The following TANGO6 variants were observed in gnomAD, a reference collection of about 807,000 sequenced individuals.
TANGO6 encodes the protein transport and golgi organization 6 homolog.
TANGO6 carries 90 observed loss-of-function variants against 114.2 expected under a neutral mutation model. The ratio of observed to expected loss-of-function variants is 0.79; its 90% CI spans 0.66 to 0.94. The LOEUF (loss-of-function observed/expected upper bound fraction) is 0.94. Among genes scored for constraint, TANGO6 ranks in the 40% least tolerant of loss-of-function variants. The probability of loss-of-function intolerance (pLI) is 0.00; values close to 1 mark genes in which losing one functional copy is unlikely to be tolerated. For synonymous variants in TANGO6, 477 were observed against 509.8 expected (o/e 0.94, Z 0.87); for missense variants, 1,274 against 1,315.3 (o/e 0.97, Z 0.49).
chr16:69,022,792 T>C, intron 15 of TANGO6, 36 bp from the exon 16 acceptor site: 1 of 1,546,414 alleles, frequency 6.5e-7, no homozygotes. Context: ...TGAAATTTTG[T>C]TTTAAGGGGT....
intron 15 of TANGO6, among the ~76,000 whole-genome samples, chr16:68,988,393 G>T (rs1255660632): frequency 6.6e-6 from 1 of 152,028 alleles, no homozygotes; most frequent in Non-Finnish European, 1.5e-5. Flanking sequence ...AGTTTTCTTT[G>T]CTGGCTCCTC....
At chr16:68,998,484 C>T (rs749717217) in intron 15 of TANGO6, among the ~76,000 whole-genome samples, 9 of 152,136 alleles carry the variant, frequency 5.9e-5, no homozygotes, top group African/African-American at 1.7e-4. Context: ...GTAATCCCAG[C>T]GCTTTGGGAG....
chr16:68,861,099 A>C (rs1962085553), intron 2 of TANGO6, among the ~76,000 whole-genome samples: 1 of 152,164 alleles, frequency 6.6e-6, no homozygotes, highest in Admixed American at 6.6e-5. Flanking sequence ...GTTGCTGTGG[A>C]GATCATAGAC....
intron 1 of TANGO6, among the ~76,000 whole-genome samples, chr16:68,845,445 C>T (rs1243605393): frequency 6.6e-6 from 1 of 152,042 alleles, no homozygotes; most frequent in Non-Finnish European, 1.5e-5. Context: ...TCAAGCATTC[C>T]TATTTGAAGA....
intron 10 of TANGO6, among the ~76,000 whole-genome samples, chr16:68,907,887 CTT>C (rs1962874331): frequency 6.6e-6 from 1 of 152,182 alleles, no homozygotes; most frequent in African/African-American, 2.4e-5. Flanking sequence ...AGTAAGAACT[CTT>C]TTGAAGTTAA....
rs1961906928 is a variant in TANGO6 at position 68,851,793 on chromosome 16, G to C, written c.94+8082G>C. ...TTTAGTTCCTACCAACAATGTATGA[G>C]AGTGTGTGTTTCCTCACAGACTTGC... On this transcript the variant is annotated intron_variant, in intron 1 of 17. Transcript: ENST00000261778. 2.6e-5 allele frequency among the ~76,000 whole-genome samples: 4 copies of C among 152,180 alleles called. No homozygotes were observed. The South Asian group carries it at 8.3e-4, about 31-fold the overall frequency.
At chr16:69,073,742 G>A (rs1371537539) in intron 17 of TANGO6, among the ~76,000 whole-genome samples, 2 of 152,080 alleles carry the variant, frequency 1.3e-5, no homozygotes, top group Non-Finnish European at 2.9e-5. Context: ...AGATCACAAG[G>A]TCAGGTGTTT....
intron 5 of TANGO6, among the ~76,000 whole-genome samples, chr16:68,875,888 T>C (rs1414255594): frequency 6.6e-6 from 1 of 152,188 alleles, no homozygotes; most frequent in Non-Finnish European, 1.5e-5. Context: ...CATGTGTTTT[T>C]AGTTAGTTTT....
At position 68,989,296 on chromosome 16, in the gene TANGO6, A is replaced by AT. The variant is rs112781786; in HGVS notation, c.2842+15139dup. Reference sequence around the variant, plus strand: ...GTTCTACAAGAACAGGCTCTGTTCAATTTTTTTTTTTCAATCTTTTTCTCT... The same window carrying AT: ...GTTCTACAAGAACAGGCTCTGTTCAATTTTTTTTTTTTCAATCTTTTTCTCT... On this transcript the variant is annotated intron_variant, in intron 15 of 17. Transcript: ENST00000261778. Among the ~76,000 whole-genome samples the AT allele has an allele frequency of 2.9e-4, 42 of 147,216 alleles. 1 individual carries two copies. The South Asian group carries it at 4.4e-3, about 15-fold the overall frequency.
chr16:68,849,678 G>C (rs1460597966), intron 1 of TANGO6, among the ~76,000 whole-genome samples: 1 of 151,872 alleles, frequency 6.6e-6, no homozygotes, highest in Non-Finnish European at 1.5e-5. Context: ...AAATGAAAAG[G>C]AAAAAGAAAT....
intron 15 of TANGO6, among the ~76,000 whole-genome samples, chr16:69,014,221 C>A (rs1391993089): frequency 6.6e-6 from 1 of 152,180 alleles, no homozygotes; most frequent in Non-Finnish European, 1.5e-5. Flanking sequence ...TTTCATCTTT[C>A]TCTGTCAACC....
intron 16 of TANGO6, among the ~76,000 whole-genome samples, chr16:69,025,110 A>C (rs540066822): frequency 2.6e-5 from 4 of 152,196 alleles, no homozygotes; most frequent in Admixed American, 1.3e-4. Context: ...GTCACTTTGC[A>C]AGCCAGGGAC....
intron 7 of TANGO6, among the ~76,000 whole-genome samples, chr16:68,892,624 C>T (rs1962640565): frequency 6.6e-6 from 1 of 151,684 alleles, no homozygotes; most frequent in African/African-American, 2.4e-5. Flanking sequence ...AAGGGATTCT[C>T]CTGCCTGAGC....
chr16:68,999,900 T>C (rs967275811), intron 15 of TANGO6, among the ~76,000 whole-genome samples: 1 of 152,248 alleles, frequency 6.6e-6, no homozygotes, highest in Non-Finnish European at 1.5e-5. Context: ...TCTGTTTTAG[T>C]GGCACACTTT....
intron 14 of TANGO6, among the ~76,000 whole-genome samples, chr16:68,932,081 AT>A (rs1963248968): frequency 6.6e-6 from 1 of 151,998 alleles, no homozygotes; most frequent in Admixed American, 6.6e-5. Flanking sequence ...TATCAAAAAA[AT>A]ACAATAAAAA....
intron 12 of TANGO6, among the ~76,000 whole-genome samples, chr16:68,925,478 G>A (rs748353599): frequency 1.1e-4 from 17 of 152,122 alleles, no homozygotes; most frequent in Non-Finnish European, 5.9e-5. Flanking sequence ...TTCTTATTGA[G>A]TTTAAAGAGT....
At chr16:69,070,770 TTA>T (rs1315427345) in intron 17 of TANGO6, among the ~76,000 whole-genome samples, 3 of 148,284 alleles carry the variant, frequency 2.0e-5, no homozygotes, top group African/African-American at 7.4e-5. Context: ...ATTATTATTA[TTA>T]TTATTATTAT....
At chr16:69,081,034 A>G (rs1388568913) in intron 17 of TANGO6, among the ~76,000 whole-genome samples, 2 of 152,128 alleles carry the variant, frequency 1.3e-5, no homozygotes, top group African/African-American at 4.8e-5. Flanking sequence ...GCTACTCGGG[A>G]GGCTAAGGCA....
chr16:68,875,162 G>A lies in TANGO6; in HGVS notation c.1003G>A (p.Ala335Thr), dbSNP rs61742996. 2.5e-4 allele frequency: 400 copies of A among 1,610,968 alleles called. No homozygotes were observed. In the African/African-American group the frequency reaches 4.1e-3, roughly 17 times the overall value. The change falls in exon 5 of 18, where the codon GCT becomes ACT. Residue 335 changes from alanine to threonine, a missense_variant. Around this residue, in one of 5 missense-constraint regions of TANGO6, gnomAD observed 908 missense variants for 910.2 expected, o/e 1.00. Transcript: ENST00000261778. ...GILEGAGAGA[A>T]GGSDAEVTAA... ...TCTCTCCATTGTGCCAGCGGGAGCA[G>A]CTGGTGGAAGTGATGCTGAGGTGAC...
Sources: allele counts gnomAD v4.1 joint callset (sites outside exome capture counted in the v4.1 genomes callset), GRCh38; gene constraint gnomAD v4.1.1; regional missense constraint gnomAD v4.1.1; transcripts MANE v1.5; gene names NCBI Gene and HGNC (gene_info 2026-07-23, HGNC 2026-07-21).